Variants in PPFIA2 observed in about 807,000 individuals in gnomAD.
The protein encoded by PPFIA2 is liprin-alpha-2.
In PPFIA2, 46 loss-of-function variants were observed where a neutral mutation model predicts 175.5. The ratio of observed to expected loss-of-function variants is 0.26; its 90% CI spans 0.21 to 0.34. The LOEUF (loss-of-function observed/expected upper bound fraction) is 0.34, where lower values mean the gene tolerates loss of function less well. Among genes scored for constraint, PPFIA2 ranks in the 10% least tolerant of loss-of-function variants. The probability of loss-of-function intolerance (pLI) is 1.00; values close to 1 mark genes in which losing one functional copy is unlikely to be tolerated. For synonymous variants in PPFIA2, 568 were observed against 511.4 expected, an observed-to-expected ratio of 1.11 and a Z score of -1.49; for missense variants, 1,179 against 1,506.1, an observed-to-expected ratio of 0.78 and a Z score of 3.60.
chr12:81,512,010 T>A (rs556769916), intron 4 of PPFIA2, among the ~76,000 whole-genome samples: 98 of 152,240 alleles, frequency 6.4e-4, no homozygotes, highest in Admixed American at 2.1e-3. Flanking sequence ...TGAAAAACAT[T>A]TAGCATATAA....
intron 14 of PPFIA2, among the ~76,000 whole-genome samples, chr12:81,364,336 C>T (rs974596838): frequency 1.3e-5 from 2 of 151,794 alleles, no homozygotes; most frequent in African/African-American, 4.8e-5. Flanking sequence ...GGCTTTTACT[C>T]TGCATGAGAT....
chr12:81,625,046 G>A (rs946474782), intron 4 of PPFIA2, among the ~76,000 whole-genome samples: 7 of 151,686 alleles, frequency 4.6e-5, no homozygotes, highest in East Asian at 3.9e-4. Flanking sequence ...ATGTCACTAC[G>A]ATCCCTAAAT....
intron 4 of PPFIA2, among the ~76,000 whole-genome samples, chr12:81,577,426 A>AAG (rs1361909309): frequency 6.6e-6 from 1 of 151,954 alleles, no homozygotes; most frequent in African/African-American, 2.4e-5. Flanking sequence ...GCCATTGGCA[A>AAG]ATGCCAGAGA....
intron 7 of PPFIA2, among the ~76,000 whole-genome samples, chr12:81,421,089 A>G (rs927682625): frequency 1.3e-5 from 2 of 152,138 alleles, no homozygotes; most frequent in African/African-American, 4.8e-5. Flanking sequence ...AAAAGTGAAG[A>G]AGGGATAAAG....
intron 3 of PPFIA2, among the ~76,000 whole-genome samples, chr12:81,685,589 G>A (rs2074324838): frequency 6.6e-6 from 1 of 151,942 alleles, no homozygotes; most frequent in Non-Finnish European, 1.5e-5. Context: ...GTAAATCAAG[G>A]TCACAGGTTT....
chr12:81,667,150 C>T (rs182556461), intron 4 of PPFIA2, among the ~76,000 whole-genome samples: 5 of 152,148 alleles, frequency 3.3e-5, no homozygotes, highest in East Asian at 1.9e-4. Flanking sequence ...GCATGTTTAT[C>T]CTAGTGTTCT....
intron 4 of PPFIA2, among the ~76,000 whole-genome samples, chr12:81,589,191 C>G (rs2058382218): frequency 6.6e-6 from 1 of 151,912 alleles, no homozygotes; most frequent in Non-Finnish European, 1.5e-5. Context: ...AGCACCTGCC[C>G]TCATATAATA....
intron 4 of PPFIA2, among the ~76,000 whole-genome samples, chr12:81,617,581 T>C (rs2061537449): frequency 6.6e-6 from 1 of 152,200 alleles, no homozygotes; most frequent in Non-Finnish European, 1.5e-5. Flanking sequence ...CCTCCAATAG[T>C]TTCCTGTCAC....
At chr12:81,305,879 T>C (rs1418916589) in intron 22 of PPFIA2, among the ~76,000 whole-genome samples, 1 of 152,212 alleles carries the variant, frequency 6.6e-6, no homozygotes, top group Non-Finnish European at 1.5e-5. Flanking sequence ...CATTAGTTAC[T>C]CAAAAAAGTC....
rs3220848 is a variant in PPFIA2 at position 81,635,920 on chromosome 12, TCACA to T, written c.303+40867_303+40870del. On this transcript the variant is annotated intron_variant, in intron 4 of 32. Coordinates refer to ENST00000549396, the MANE Select transcript of PPFIA2 (RefSeq NM_003625.5). ...TTTGGGAAAATGCAATCTCTCTCTC[TCACA>T]CACACACACACACACACACACGTGA... is the stretch of plus-strand genomic sequence containing the variant. Among the ~76,000 whole-genome samples, 135 of 150,718 alleles carry T rather than the reference TCACA, an allele frequency of 9.0e-4. 1 individual carries two copies. The highest frequency in any genetic ancestry group is 1.6e-3 in the Admixed American group (25 of 15,154).
At chr12:81,333,713 TG>T (rs1259495452) in intron 21 of PPFIA2, among the ~76,000 whole-genome samples, 5 of 152,172 alleles carry the variant, frequency 3.3e-5, no homozygotes, top group African/African-American at 4.8e-5. Context: ...TTTCTATTTT[TG>T]GTGGGGGGGA....
At chr12:81,439,512 TAGC>T (rs2049759642) in intron 7 of PPFIA2, among the ~76,000 whole-genome samples, 2 of 152,122 alleles carry the variant, frequency 1.3e-5, no homozygotes, top group South Asian at 4.1e-4. Context: ...TTGTGAATAG[TAGC>T]AGAAGTGGAT....
intron 4 of PPFIA2, among the ~76,000 whole-genome samples, chr12:81,549,515 G>A (rs1430425939): frequency 6.6e-6 from 1 of 151,906 alleles, no homozygotes; most frequent in African/African-American, 2.4e-5. Flanking sequence ...TGGCCTATGG[G>A]AAGTCTAATG....
chr12:81,551,503 A>G (rs557334456), intron 4 of PPFIA2, among the ~76,000 whole-genome samples: 1 of 152,012 alleles, frequency 6.6e-6, no homozygotes, highest in African/African-American at 2.4e-5. Context: ...AAGCACTCAC[A>G]TTGCATGATT....
chr12:81,543,909 C>T (rs931089355), intron 4 of PPFIA2, among the ~76,000 whole-genome samples: 1 of 152,010 alleles, frequency 6.6e-6, no homozygotes, highest in African/African-American at 2.4e-5. Flanking sequence ...ATATTCTTCC[C>T]AACACGTGAC....
chr12:81,500,719 G>A (rs2060506143), intron 4 of PPFIA2, among the ~76,000 whole-genome samples: 1 of 152,168 alleles, frequency 6.6e-6, no homozygotes. Context: ...GAGACATAGA[G>A]TTTCCGTTTC....
intron 8 of PPFIA2, among the ~76,000 whole-genome samples, chr12:81,388,121 T>C (rs2142121458): frequency 6.6e-6 from 1 of 152,304 alleles, no homozygotes; most frequent in African/African-American, 2.4e-5. Flanking sequence ...ATTAGGTCTG[T>C]AGATTCAACT....
At chr12:81,365,131 G>A (rs921822637) in intron 14 of PPFIA2, among the ~76,000 whole-genome samples, 3 of 151,782 alleles carry the variant, frequency 2.0e-5, no homozygotes, top group African/African-American at 7.3e-5. Context: ...GAAGTCACTA[G>A]GGGTGAATCA....
chr12:81,406,206 G>A (rs66532723), intron 7 of PPFIA2, among the ~76,000 whole-genome samples: 2,176 of 152,038 alleles, frequency 0.014, 37 homozygotes, highest in Non-Finnish European at 0.021. Flanking sequence ...TTGTATTCAC[G>A]TGATGTTAAT....
Sources: gnomAD v4.1 joint callset for allele counts (sites outside exome capture counted in the v4.1 genomes callset) on GRCh38, gnomAD v4.1.1 for gene constraint, MANE v1.5 for transcripts, NCBI Gene and HGNC (gene_info 2026-07-23, HGNC 2026-07-21) for gene names.